PLXDC1: variants seen among roughly 807,000 people sequenced by gnomAD.
The protein encoded by PLXDC1 is plexin domain-containing protein 1.
In PLXDC1, 39 loss-of-function variants were observed where a neutral mutation model predicts 61.3. The ratio of observed to expected loss-of-function variants is 0.64; its 90% CI spans 0.49 to 0.83. The LOEUF (loss-of-function observed/expected upper bound fraction) is 0.83, where lower values mean the gene tolerates loss of function less well. PLXDC1 is among the 40% of genes least tolerant of loss of function. The pLI is 0.00. For synonymous variants in PLXDC1, 212 were observed against 254.5 expected (o/e 0.83, Z 1.59); for missense variants, 596 against 666.5 (o/e 0.89, Z 1.17).
chr17:39,084,534 T>C (rs145084949), intron 8 of PLXDC1, among the ~76,000 whole-genome samples: 1 of 152,202 alleles, frequency 6.6e-6, no homozygotes, highest in Non-Finnish European at 1.5e-5. Flanking sequence ...ACTCCTGATG[T>C]TCGGTCCATG....
At chr17:39,102,489 G>T (rs1190200730) in intron 7 of PLXDC1, among the ~76,000 whole-genome samples, 2 of 151,940 alleles carry the variant, frequency 1.3e-5, no homozygotes, top group African/African-American at 2.4e-5. Context: ...ACGGGGGCAT[G>T]AAAGTACCTA....
chr17:39,096,845 C>T lies in PLXDC1; in HGVS notation c.811+9009G>A, dbSNP rs57691663. 2,748 of 454,630 alleles carry T rather than the reference C, an allele frequency of 6.0e-3. 66 individuals are homozygous for T. The highest frequency in any genetic ancestry group is 0.05 in the African/African-American group (2,463 of 49,752). The allele number at this position is 454,630 out of a possible 1,614,324, so 28.2% of individuals were successfully genotyped here. A position where few individuals can be genotyped will look rare whatever the true frequency, so the allele number is the denominator to read the frequency against. On this transcript the variant is annotated intron_variant, in intron 7 of 13. Coordinates refer to ENST00000315392, the MANE Select transcript of PLXDC1 (RefSeq NM_020405.5). ...GAACAGAGGAAATAATATTGACTTC[C>T]GGCGGTCTCCCCAGCCACATAGCGG...
rs1909053693 is a variant in PLXDC1, at chr17:39,070,022, G to A, written c.1223-6C>T. On this transcript the variant is annotated splice_polypyrimidine_tract_variant and splice_region_variant and intron_variant, in intron 12 of 13. Transcript: ENST00000315392. ...GGACAGGTTGTTCTGAAGGCCTGTG[G>A]AGAGATCATTAGGGCAGACAGGGGC... The A allele has an allele frequency of 6.2e-7, 1 of 1,611,668 alleles. No homozygotes were observed. Among genetic ancestry groups the A allele is most frequent in the Non-Finnish European group, 8.5e-7 (1 of 1,178,086 alleles).
chr17:39,063,431 C>G lies in PLXDC1; in HGVS notation c.*4409G>C. 1 of 702,254 alleles carries G rather than the reference C, an allele frequency of 1.4e-6. No homozygotes were observed. Among genetic ancestry groups the G allele is most frequent in the Non-Finnish European group, 2.6e-6 (1 of 384,800 alleles). 43.5% of individuals were successfully genotyped at this position (702,254 alleles called of 1,614,324 possible). ...TGGGGTTTCTTTTTAGGCTGTTTCT[C>G]TTGGAGGTGGTGCAGGAGGTTGAGG... On this transcript the variant is annotated 3_prime_UTR_variant, in exon 14 of 14. Transcript: ENST00000315392.
chr17:39,150,775 G>A (rs2045367390), intron 1 of PLXDC1, among the ~76,000 whole-genome samples: 1 of 152,188 alleles, frequency 6.6e-6, no homozygotes, highest in South Asian at 2.1e-4. Context: ...GAGGCTGGGG[G>A]TGCAGAAGCA....
Position 39,128,286 on chromosome 17 carries a change from C to T in PLXDC1, c.255+11368G>A, listed in dbSNP as rs575010560. Among the ~76,000 whole-genome samples the T allele has an allele frequency of 3.4e-4, 51 of 150,910 alleles. No homozygotes were observed. The South Asian group carries it at 0.01, about 31-fold the overall frequency. On this transcript the variant is annotated intron_variant, in intron 2 of 13. Coordinates refer to ENST00000315392, the MANE Select transcript of PLXDC1 (RefSeq NM_020405.5). Reference sequence around the variant, plus strand: ...AGGCTGGAATGCAGTGGCGCGATCTCGGCTCACTGCAACCTCCACCTCCTG... The same window carrying T: ...AGGCTGGAATGCAGTGGCGCGATCTTGGCTCACTGCAACCTCCACCTCCTG...
chr17:39,070,442 T>A (rs1381632912), intron 12 of PLXDC1: 1 of 157,906 alleles, frequency 6.3e-6, no homozygotes. Context: ...TGTGTCTTCA[T>A]TATCATTTCT....
At chr17:39,148,227 A>G (rs2045353553) in intron 1 of PLXDC1, among the ~76,000 whole-genome samples, 1 of 152,064 alleles carries the variant, frequency 6.6e-6, no homozygotes, top group African/African-American at 2.4e-5. Context: ...TTTTTTAAAA[A>G]AAGATGGGAC....
At chr17:39,106,188 C>A (rs1396302859) in intron 6 of PLXDC1, among the ~76,000 whole-genome samples, 1 of 152,102 alleles carries the variant, frequency 6.6e-6, no homozygotes, top group Non-Finnish European at 1.5e-5. Context: ...GCCGGAAACC[C>A]GGGACATACC....
chr17:39,097,669 C>G (rs569637377), intron 7 of PLXDC1, among the ~76,000 whole-genome samples: 2 of 150,998 alleles, frequency 1.3e-5, no homozygotes, highest in Non-Finnish European at 3.0e-5. Flanking sequence ...ATGGCTTGAG[C>G]GTAAGAATTC....
rs576899453 is a variant in PLXDC1 at position 39,078,866 on chromosome 17, C to T, written c.1050+238G>A. Among the ~76,000 whole-genome samples the T allele has an allele frequency of 2.0e-5, 3 of 152,328 alleles. No homozygotes were observed. In the South Asian group the frequency reaches 6.2e-4, roughly 32 times the overall value. ...CCAAAAGAATTCCTTGAGAGCTGCC[C>T]ACTTAAGGTCAAGGCATCAGAATGC... On this transcript the variant is annotated intron_variant, in intron 10 of 13. Coordinates refer to ENST00000315392, the MANE Select transcript of PLXDC1 (RefSeq NM_020405.5).
In PLXDC1 at chr17:39,087,662, C is replaced by A. The variant is rs746295746; in HGVS notation, c.852G>T (p.Glu284Asp). 1 of 1,613,996 alleles carries A rather than the reference C, an allele frequency of 6.2e-7. No homozygotes were observed. The highest frequency in any genetic ancestry group is 1.3e-5 in the African/African-American group (1 of 74,928). The change falls in exon 8 of 14, where the codon GAG becomes GAT. Residue 284 changes from glutamate (E) to aspartate (D), a missense_variant. Transcript: ENST00000315392. The part of the protein sequence containing the change: ...RRSIFEYHRI[E>D]LDPSKVTSMS... ...TGCTGGTGACCTTGCTGGGGTCCAG[C>A]TCTATGCGGTGATATTCAAAGATGC...
At chr17:39,071,854 A>T (rs1453016463) in intron 12 of PLXDC1, among the ~76,000 whole-genome samples, 1 of 152,108 alleles carries the variant, frequency 6.6e-6, no homozygotes, top group Non-Finnish European at 1.5e-5. Context: ...AGGCACTTTC[A>T]TCTCTACTCT....
At chr17:39,090,647 A>G (rs1369076066) in intron 7 of PLXDC1, among the ~76,000 whole-genome samples, 1 of 152,120 alleles carries the variant, frequency 6.6e-6, no homozygotes, top group Non-Finnish European at 1.5e-5. Flanking sequence ...TTGTCCTGAG[A>G]ATTAAGGGAG....
At chr17:39,077,375 G>T (rs1486112354) in intron 11 of PLXDC1, among the ~76,000 whole-genome samples, 1 of 152,174 alleles carries the variant, frequency 6.6e-6, no homozygotes, top group Non-Finnish European at 1.5e-5. Context: ...CAGGTAGCAG[G>T]GAAGCCCCTA....
chr17:39,105,441 G>A (rs955540839), intron 7 of PLXDC1, among the ~76,000 whole-genome samples: 13 of 152,264 alleles, frequency 8.5e-5, no homozygotes, highest in South Asian at 2.1e-4. Flanking sequence ...AGGACAGGGA[G>A]GTAACAGCAT....
chr17:39,105,432 G>T (rs2143651048), intron 7 of PLXDC1, among the ~76,000 whole-genome samples: 2 of 152,274 alleles, frequency 1.3e-5, no homozygotes, highest in South Asian at 4.1e-4. Flanking sequence ...GTTTGCTGAA[G>T]GACAGGGAGG....
In PLXDC1 at chr17:39,064,562, T is replaced by C. The variant is rs1422977961; in HGVS notation, c.*3278A>G. On this transcript the variant is annotated 3_prime_UTR_variant, in exon 14 of 14. Coordinates refer to ENST00000315392, the MANE Select transcript of PLXDC1 (RefSeq NM_020405.5). Reference sequence around the variant, plus strand: ...CCATTTATACATGTCATGAGGGTCATTGCCAAAGAAAGAAGTGAGTTAAGT... The same window carrying C: ...CCATTTATACATGTCATGAGGGTCACTGCCAAAGAAAGAAGTGAGTTAAGT... The C allele has an allele frequency of 6.6e-6, 1 of 152,200 alleles. No individual in the cohort carries two copies. Among genetic ancestry groups the C allele is most frequent in the Non-Finnish European group, 1.5e-5 (1 of 68,038 alleles). The allele number at this position is 152,200 out of a possible 1,614,324, so 9.4% of individuals were successfully genotyped here.
intron 11 of PLXDC1, among the ~76,000 whole-genome samples, chr17:39,076,518 A>AAG (rs2143311247): frequency 6.6e-6 from 1 of 152,000 alleles, no homozygotes; most frequent in African/African-American, 2.4e-5. Flanking sequence ...CAAAAAAAAA[A>AAG]AAAAAAATCC....
Sources: gnomAD v4.1 joint callset for allele counts (sites outside exome capture counted in the v4.1 genomes callset) on GRCh38, gnomAD v4.1.1 for gene constraint, MANE v1.5 for transcripts, NCBI Gene and HGNC (gene_info 2026-07-23, HGNC 2026-07-21) for gene names.